The following MYRFL variants were observed in gnomAD, a reference collection of about 807,000 sequenced individuals.
MYRFL encodes myelin regulatory factor-like protein.
In MYRFL, 88 loss-of-function variants were observed where a neutral mutation model predicts 109.4. The ratio of observed to expected loss-of-function variants is 0.80; its 90% CI spans 0.68 to 0.96. The LOEUF is 0.96. MYRFL is among the 40% of genes least tolerant of loss of function. MYRFL has a pLI of 0.00. For missense variants in MYRFL, 957 were observed against 954.9 expected, an observed-to-expected ratio of 1.00 and a Z score of -0.03; for synonymous variants, 324 against 320.9, an observed-to-expected ratio of 1.01 and a Z score of -0.10.
intron 19 of MYRFL, among the ~76,000 whole-genome samples, chr12:69,941,788 C>T (rs1392261822): frequency 6.6e-6 from 1 of 150,946 alleles, no homozygotes; most frequent in Admixed American, 6.6e-5. Context: ...AGACCGCTAG[C>T]AAGACTAATA....
Position 69,888,019 on chromosome 12 carries a change from A to G in MYRFL, c.707+1049A>G, listed in dbSNP as rs528009840. ...TATGAAACTGTCACACGCAGGCTCAATGCTTTAATTAAAACTTAACTGCTT... is the reference window on the plus strand; with the variant it reads ...TATGAAACTGTCACACGCAGGCTCAGTGCTTTAATTAAAACTTAACTGCTT... On this transcript the variant is annotated intron_variant, in intron 6 of 24. Coordinates refer to ENST00000552032, the MANE Select transcript of MYRFL (RefSeq NM_182530.3). 3.0e-4 allele frequency among the ~76,000 whole-genome samples: 45 copies of G among 152,340 alleles called. 1 individual carries two copies. The South Asian group carries it at 6.2e-3, about 21-fold the overall frequency.
At chr12:69,943,643 A>T (rs1370841625) in intron 19 of MYRFL, among the ~76,000 whole-genome samples, 3 of 150,640 alleles carry the variant, frequency 2.0e-5, no homozygotes, top group Non-Finnish European at 3.0e-5. Context: ...CATGTCTAAA[A>T]CACCAAAAGC....
intron 1 of MYRFL, among the ~76,000 whole-genome samples, chr12:69,832,069 T>C (rs1413304014): frequency 6.6e-6 from 1 of 152,128 alleles, no homozygotes; most frequent in Non-Finnish European, 1.5e-5. Context: ...CAAGTTTTGG[T>C]TGGTGAGTGA....
intron 19 of MYRFL, among the ~76,000 whole-genome samples, chr12:69,939,132 C>A (rs1249506060): frequency 1.3e-5 from 2 of 152,348 alleles, no homozygotes; most frequent in Middle Eastern, 3.4e-3. Flanking sequence ...CCCACCATTG[C>A]CCAGGCTTGC....
At position 69,910,895 on chromosome 12, in the gene MYRFL, G is replaced by A. The variant is rs1483416779; in HGVS notation, c.1567G>A (p.Gly523Arg). The change falls in exon 13 of 25, where the codon GGA becomes AGA. Residue 523 changes from glycine (G) to arginine (R), a missense_variant. Physicochemically the swap from Gly to Arg is moderately radical, Grantham distance 125. Coordinates refer to ENST00000552032, the MANE Select transcript of MYRFL (RefSeq NM_182530.3). ...GGTTGGTGATGTCACCTGCGGAAAC[G>A]GAGAGACCTTGGAGAACTTCCTCAT... Reference protein sequence around the residue: ...REVGDVTCGNGETLENFLMVD... With the variant: ...REVGDVTCGNRETLENFLMVD... 20 of 1,535,084 alleles carry A rather than the reference G, an allele frequency of 1.3e-5. No individual in the cohort carries two copies. Among genetic ancestry groups the A allele is most frequent in the Admixed American group, 9.8e-5 (5 of 50,960 alleles).
At chr12:69,899,536 C>T (rs1210072306) in intron 10 of MYRFL, among the ~76,000 whole-genome samples, 1 of 152,214 alleles carries the variant, frequency 6.6e-6, no homozygotes, top group Non-Finnish European at 1.5e-5. Context: ...AAAAATTTGA[C>T]AAAGACACTA....
intron 5 of MYRFL, among the ~76,000 whole-genome samples, chr12:69,880,951 G>GGTTTTTTTTTTTTTTTTT (rs1555246956): frequency 5.3e-5 from 6 of 112,616 alleles, no homozygotes; most frequent in East Asian, 2.9e-4. Flanking sequence ...CAGCCTTCCT[G>GGTTTTTTTTTTTTTTTTT]TTTTTTTTTT....
intron 9 of MYRFL, among the ~76,000 whole-genome samples, chr12:69,895,764 A>T (rs1953971925): frequency 6.6e-6 from 1 of 152,050 alleles, no homozygotes. Context: ...CCACATGTTT[A>T]TATCTCATTG....
At chr12:69,954,489 A>G (rs1444766347) in intron 21 of MYRFL, among the ~76,000 whole-genome samples, 1 of 152,194 alleles carries the variant, frequency 6.6e-6, no homozygotes, top group East Asian at 1.9e-4. Context: ...ATAATTGACA[A>G]GCAAAAATTG....
chr12:69,917,716 G>A (rs1220181846), intron 13 of MYRFL, among the ~76,000 whole-genome samples: 3 of 152,106 alleles, frequency 2.0e-5, no homozygotes, highest in African/African-American at 4.8e-5. Context: ...GTGTTGATTA[G>A]TACAGTATCT....
chr12:69,836,808 G>C (rs1882970223), intron 1 of MYRFL, among the ~76,000 whole-genome samples: 1 of 152,168 alleles, frequency 6.6e-6, no homozygotes, highest in African/African-American at 2.4e-5. Context: ...GGTCAGGTCT[G>C]TGAAACAATG....
At chr12:69,957,729 G>A (rs1956126179) in intron 22 of MYRFL, 93 bp from the exon 23 acceptor site, 10 of 1,388,536 alleles carry the variant, frequency 7.2e-6, no homozygotes, top group Admixed American at 5.1e-5. Context: ...TCCAAGTTAC[G>A]TTCCCATTAG....
At chr12:69,929,575 G>A (rs552567830) in intron 15 of MYRFL, among the ~76,000 whole-genome samples, 1 of 152,324 alleles carries the variant, frequency 6.6e-6, no homozygotes, top group South Asian at 2.1e-4. Flanking sequence ...TTTGTTTAGG[G>A]AAGATAGTGG....
intron 1 of MYRFL, among the ~76,000 whole-genome samples, chr12:69,847,187 TC>T (rs1883610824): frequency 6.6e-6 from 1 of 152,188 alleles, no homozygotes; most frequent in Non-Finnish European, 1.5e-5. Flanking sequence ...GTCAGAGGGC[TC>T]TGAAGGAAAC....
intron 10 of MYRFL, among the ~76,000 whole-genome samples, chr12:69,900,392 C>T (rs970221876): frequency 9.2e-5 from 14 of 152,152 alleles, no homozygotes; most frequent in Admixed American, 8.5e-4. Context: ...GGGCAACTTA[C>T]GACCAGGAGT....
At chr12:69,910,633 CAAAAAAA>C (rs5798959) in intron 12 of MYRFL, among the ~76,000 whole-genome samples, 181 bp from the exon 13 acceptor site, 4 of 125,444 alleles carry the variant, frequency 3.2e-5, no homozygotes, top group East Asian at 2.4e-4. Flanking sequence ...CCCAGAGTCT[CAAAAAAA>C]AAAAAAAAAA....
chr12:69,938,335 A>G (rs1330486832), intron 19 of MYRFL, among the ~76,000 whole-genome samples: 2 of 152,182 alleles, frequency 1.3e-5, no homozygotes, highest in Non-Finnish European at 2.9e-5. Flanking sequence ...AGACCATCTC[A>G]CCTATGAGAG....
At chr12:69,869,133 A>G (rs1423860824) in intron 2 of MYRFL, among the ~76,000 whole-genome samples, 2 of 152,218 alleles carry the variant, frequency 1.3e-5, no homozygotes, top group African/African-American at 4.8e-5. Context: ...TAGTTGGAGG[A>G]TGGGGTAAAA....
chr12:69,926,116 T>C lies in MYRFL; in HGVS notation c.1603-455T>C, dbSNP rs1444905711. On this transcript the variant is annotated intron_variant, in intron 13 of 24. Coordinates refer to ENST00000552032, the MANE Select transcript of MYRFL (RefSeq NM_182530.3). ...CTGTTCTGACTTTCTTTCTTCTTCT[T>C]CTTTTTTTTTTTTTTTTTTTTTTTT... Among the ~76,000 whole-genome samples the C allele has an allele frequency of 7.7e-4, 42 of 54,430 alleles. No individual in the cohort carries two copies. In the Admixed American group the frequency reaches 9.6e-3, roughly 12 times the overall value. 35.7% of individuals were successfully genotyped at this position (54,430 alleles called of 152,430 possible).
Sources: gnomAD v4.1 joint callset for allele counts (sites outside exome capture counted in the v4.1 genomes callset) on GRCh38, gnomAD v4.1.1 for gene constraint, MANE v1.5 for transcripts, NCBI Gene and HGNC (gene_info 2026-07-23, HGNC 2026-07-21) for gene names.